The following NPHP4 variants were observed in gnomAD, a reference collection of about 807,000 sequenced individuals.
The protein encoded by NPHP4 is nephrocystin-4.
NPHP4 carries 151 observed loss-of-function variants against 155.8 expected under a neutral mutation model. The observed-to-expected ratio is 0.97, with a 90% CI of 0.85 to 1.11. NPHP4 has a LOEUF of 1.11. Ranked by LOEUF, NPHP4 falls within the 50% of genes least tolerant of loss-of-function variation. The pLI, the probability that NPHP4 is intolerant of heterozygous loss-of-function variation, is 0.00. For synonymous variants in NPHP4, 845 were observed against 816.8 expected (o/e 1.03, Z -0.59); for missense variants, 1,956 against 1,925.7 (o/e 1.02, Z -0.29).
intron 7 of NPHP4, among the ~76,000 whole-genome samples, chr1:5,951,243 G>C (rs568877787): frequency 6.6e-6 from 1 of 152,212 alleles, no homozygotes; most frequent in East Asian, 1.9e-4. Context: ...GTCCTTCCTC[G>C]TGTCGCGCAG....
chr1:5,989,338 C>T (rs1655913629), intron 1 of NPHP4, among the ~76,000 whole-genome samples: 1 of 152,186 alleles, frequency 6.6e-6, no homozygotes. Flanking sequence ...ATACAGCTGT[C>T]CACGACTTAT....
Position 5,882,023 on chromosome 1 carries a change from C to G in NPHP4, c.2486-1784G>C, listed in dbSNP as rs1027138297. On this transcript the variant is annotated intron_variant, in intron 18 of 29. Coordinates refer to ENST00000378156, the MANE Select transcript of NPHP4 (RefSeq NM_015102.5). This position sits in a 1 kb window ranked among gnomAD's most constrained non-coding sequence, Gnocchi z 5.1. ...AGCTCACTCTGGGCAGCTGTAGGGT[C>G]AAGCCGCCTGCTCACCTGTGCTGAG... The G allele has an allele frequency of 2.0e-5, 3 of 152,300 alleles. No individual in the cohort carries two copies. Among genetic ancestry groups the G allele is most frequent in the African/African-American group, 7.2e-5 (3 of 41,460 alleles). 9.4% of individuals were successfully genotyped at this position (152,300 alleles called of 1,614,324 possible).
intron 12 of NPHP4, among the ~76,000 whole-genome samples, chr1:5,908,204 C>A (rs1645007265): frequency 6.6e-6 from 1 of 152,238 alleles, no homozygotes; most frequent in Non-Finnish European, 1.5e-5. Flanking sequence ...TTCCCTCAGA[C>A]CCTATACGGT....
Position 5,910,885 on chromosome 1 carries a change from G to T in NPHP4, c.1442-1672C>A, listed in dbSNP as rs894623041. Among the ~76,000 whole-genome samples, 1 of 152,200 alleles carries T rather than the reference G, an allele frequency of 6.6e-6. No homozygotes were observed. The highest frequency in any genetic ancestry group is 1.9e-4 in the East Asian group (1 of 5,178). On this transcript the variant is annotated intron_variant, in intron 11 of 29. Transcript: ENST00000378156. This position sits in a 1 kb window ranked among gnomAD's most constrained non-coding sequence, Gnocchi z 5.4. ...CTGTGGATGGGTGGAAGGCATTGGGGCAAGGCCAGAGGGAGCCCCCAACCC... is the reference window on the plus strand; with the variant it reads ...CTGTGGATGGGTGGAAGGCATTGGGTCAAGGCCAGAGGGAGCCCCCAACCC...
chr1:5,921,517 T>C (rs1034956899), intron 11 of NPHP4, among the ~76,000 whole-genome samples: 1 of 152,248 alleles, frequency 6.6e-6, no homozygotes, highest in African/African-American at 2.4e-5. Flanking sequence ...ATTCCTCCAA[T>C]ATGAGGGGAA....
At chr1:5,933,793 A>C (rs994111854) in intron 9 of NPHP4, among the ~76,000 whole-genome samples, 1 of 152,248 alleles carries the variant, frequency 6.6e-6, no homozygotes, top group African/African-American at 2.4e-5. Flanking sequence ...GCACATGTAT[A>C]TTCAACTCAG....
chr1:5,896,873 G>C (rs755784499), intron 16 of NPHP4, among the ~76,000 whole-genome samples: 1 of 152,122 alleles, frequency 6.6e-6, no homozygotes, highest in South Asian at 2.1e-4. Flanking sequence ...AATCAGAGCC[G>C]GTGAAAGGCC....
At chr1:5,898,952 G>A (rs1313387792) in intron 16 of NPHP4, among the ~76,000 whole-genome samples, 4 of 152,114 alleles carry the variant, frequency 2.6e-5, no homozygotes, top group Non-Finnish European at 4.4e-5. Flanking sequence ...AAAGGCACTC[G>A]GTATCATCAA....
At chr1:5,955,488 T>C (rs1245328152) in intron 6 of NPHP4, among the ~76,000 whole-genome samples, 1 of 152,240 alleles carries the variant, frequency 6.6e-6, no homozygotes, top group Non-Finnish European at 1.5e-5. Context: ...TCAACCTAGG[T>C]GTTCATCAAT....
rs1361653681 is a variant in NPHP4 at position 5,905,391 on chromosome 1, G to A, written c.1856C>T (p.Ala619Val). Residue 619 changes from alanine to valine, a missense_variant, in exon 15 of 30, where the codon GCT (alanine) becomes GTT (valine). Coordinates refer to ENST00000378156, the MANE Select transcript of NPHP4 (RefSeq NM_015102.5). This position sits in a 1 kb window ranked among gnomAD's most constrained non-coding sequence, Gnocchi z 4.0. ...ILDANKQPAEAVSATEPVTFN... is the reference protein window; with the variant it reads ...ILDANKQPAEVVSATEPVTFN... The stretch of plus-strand genomic sequence containing the variant: ...CGTCACAGGTTCTGTAGCGCTGACA[G>A]CCTCGGCTGGCTGTTTATTGGCATC... The A allele has an allele frequency of 1.2e-6, 2 of 1,613,538 alleles. No individual in the cohort carries two copies. The highest frequency in any genetic ancestry group is 2.7e-5 in the African/African-American group (2 of 74,914).
rs768393994 is a variant in NPHP4, at chr1:5,933,192, G to A, written c.1257C>T (p.His419=). 5.0e-6 allele frequency: 8 copies of A among 1,613,752 alleles called. No homozygotes were observed. In the African/African-American group the frequency reaches 5.3e-5, roughly 11 times the overall value. Residue 419 remains histidine, a synonymous_variant, in exon 10 of 30, where the codon CAC becomes CAT. Coordinates refer to ENST00000378156, the MANE Select transcript of NPHP4 (RefSeq NM_015102.5). ...LQGGIQPNPS[H]CLVYKVPSAS... ...CTGAGGGTACCTTGTAGACCAGACAGTGCGAGGGGTTGGGCTGGATCCCAC... is the reference window on the plus strand; with the variant it reads ...CTGAGGGTACCTTGTAGACCAGACAATGCGAGGGGTTGGGCTGGATCCCAC...
At chr1:5,908,121 G>A in intron 12 of NPHP4, among the ~76,000 whole-genome samples, 1 of 152,220 alleles carries the variant, frequency 6.6e-6, no homozygotes, top group East Asian at 1.9e-4. Context: ...GGGGGGCGGG[G>A]TGCATGAAGC....
intron 23 of NPHP4, among the ~76,000 whole-genome samples, chr1:5,871,104 T>C (rs931215383): frequency 6.6e-6 from 1 of 152,210 alleles, no homozygotes; most frequent in African/African-American, 2.4e-5. Flanking sequence ...ATTCTCAAAT[T>C]GTTCAAGAAA....
intron 5 of NPHP4, among the ~76,000 whole-genome samples, chr1:5,966,123 A>T (rs1375836897): frequency 6.6e-6 from 1 of 152,186 alleles, no homozygotes; most frequent in Non-Finnish European, 1.5e-5. Context: ...TGCAGGCTGC[A>T]GCCCTTTATG....
Position 5,863,206 on chromosome 1 carries a change from A to T in NPHP4, c.*59T>A. On this transcript the variant is annotated 3_prime_UTR_variant, in exon 30 of 30. Transcript: ENST00000378156. The stretch of plus-strand genomic sequence containing the variant: ...AGGCGGGGAGGACAGCCTGCAGGGC[A>T]GGAGGGGCACAGACAGGCCCCAGCT... The T allele has an allele frequency of 6.3e-7, 1 of 1,592,818 alleles. No homozygotes were observed. Among genetic ancestry groups the T allele is most frequent in the East Asian group, 2.2e-5 (1 of 44,780 alleles).
intron 21 of NPHP4, 87 bp from the exon 22 acceptor site, chr1:5,874,744 T>G: frequency 6.6e-7 from 1 of 1,525,372 alleles, no homozygotes; most frequent in Non-Finnish European, 9.0e-7. Context: ...AGAGCGGTGC[T>G]CAGAGGAGTG....
Position 5,877,390 on chromosome 1 carries a change from T to C in NPHP4, c.2612-92A>G. Reference sequence around the variant, plus strand: ...GGCAGGCCTCCCAGGACCACCTATATAGGGAGGGAGCTCAAGAGTGCGGCT... The same window carrying C: ...GGCAGGCCTCCCAGGACCACCTATACAGGGAGGGAGCTCAAGAGTGCGGCT... On this transcript the variant is annotated intron_variant, in intron 19 of 29. Coordinates refer to ENST00000378156, the MANE Select transcript of NPHP4 (RefSeq NM_015102.5). The C allele has an allele frequency of 9.8e-6, 10 of 1,022,496 alleles. No individual in the cohort carries two copies. The East Asian group carries it at 1.4e-4, about 14-fold the overall frequency. The allele number at this position is 1,022,496 out of a possible 1,614,324, so 63.3% of individuals were successfully genotyped here.
intron 11 of NPHP4, among the ~76,000 whole-genome samples, chr1:5,917,720 C>T (rs1003518091): frequency 2.0e-5 from 3 of 152,210 alleles, no homozygotes; most frequent in Admixed American, 6.5e-5. Context: ...TGATAAGACT[C>T]TTCAGTGTGG....
intron 18 of NPHP4, chr1:5,886,540 C>G (rs1643821019): frequency 1.3e-5 from 2 of 152,224 alleles, no homozygotes; most frequent in African/African-American, 4.8e-5. Flanking sequence ...TTCAATTCTG[C>G]CCTGAAAAAT....
Sources: gnomAD v4.1 joint callset for allele counts (sites outside exome capture counted in the v4.1 genomes callset) on GRCh38, gnomAD v4.1.1 for gene constraint, Gnocchi (gnomAD v3.1) non-coding constraint, MANE v1.5 for transcripts, NCBI Gene and HGNC (gene_info 2026-07-23, HGNC 2026-07-21) for gene names.